The following THAP4 variants were observed in gnomAD, a reference collection of about 807,000 sequenced individuals.
THAP4 encodes peroxynitrite isomerase THAP4.
A neutral mutation model predicts 48.1 loss-of-function variants in THAP4; 18 were observed. That is an observed-to-expected ratio of 0.37 (90% CI 0.26 to 0.56). THAP4 has a LOEUF of 0.56. Among genes scored for constraint, THAP4 ranks in the 20% least tolerant of loss-of-function variants. The pLI is 0.78. For synonymous variants in THAP4, 345 were observed against 324.9 expected (o/e 1.06, Z -0.66); for missense variants, 656 against 774.9 (o/e 0.85, Z 1.82).
rs895003590 is a variant in THAP4 at position 241,610,583 on chromosome 2, C to A, written c.1241-4110G>T. Among the ~76,000 whole-genome samples, 1 of 152,186 alleles carries A rather than the reference C, an allele frequency of 6.6e-6. No individual in the cohort carries two copies. Among genetic ancestry groups the A allele is most frequent in the African/African-American group, 2.4e-5 (1 of 41,454 alleles). On this transcript the variant is annotated intron_variant, in intron 2 of 5. Coordinates refer to ENST00000407315, the MANE Select transcript of THAP4 (RefSeq NM_015963.6). This position sits in a 1 kb window ranked among gnomAD's most constrained non-coding sequence, Gnocchi z 4.2. Reference sequence around the variant, plus strand: ...CGCCCCTCGGCCCGGAGGCCCCGCCCTCCCCACTCCTGCTTCCCCAGCCAC... The same window carrying A: ...CGCCCCTCGGCCCGGAGGCCCCGCCATCCCCACTCCTGCTTCCCCAGCCAC...
chr2:241,623,228 T>C (rs1285968543), intron 2 of THAP4, among the ~76,000 whole-genome samples: 1 of 151,048 alleles, frequency 6.6e-6, no homozygotes, highest in Non-Finnish European at 1.5e-5. Flanking sequence ...ATAATAATAA[T>C]AATAAAAATA....
At position 241,616,370 on chromosome 2, in the gene THAP4, T is replaced by C. The variant is rs771532767; in HGVS notation, c.1241-9897A>G. Among the ~76,000 whole-genome samples the C allele has an allele frequency of 6.6e-6, 1 of 152,088 alleles. No individual in the cohort carries two copies. Among genetic ancestry groups the C allele is most frequent in the Non-Finnish European group, 1.5e-5 (1 of 68,016 alleles). On this transcript the variant is annotated intron_variant, in intron 2 of 5. Transcript: ENST00000407315. This position sits in a 1 kb window ranked among gnomAD's most constrained non-coding sequence, Gnocchi z 4.6. Reference sequence around the variant, plus strand: ...GCGCACGAGAGCTGAGGGCGAGCCCTGGCATCAGGACCAGAGAGGCCCACC... The same window carrying C: ...GCGCACGAGAGCTGAGGGCGAGCCCCGGCATCAGGACCAGAGAGGCCCACC...
chr2:241,598,735 C>G (rs76889690), intron 5 of THAP4, among the ~76,000 whole-genome samples: 1 of 152,010 alleles, frequency 6.6e-6, no homozygotes, highest in African/African-American at 2.4e-5. Context: ...CCACTCACCT[C>G]CTGCAGTGAG....
At chr2:241,636,869 C>A in intron 1 of THAP4, 72 bp downstream of exon 1, 1 of 929,596 alleles carries the variant, frequency 1.1e-6, no homozygotes, top group South Asian at 4.3e-5. Context: ...CGCGTTCGGG[C>A]CGGCCGCGGG....
rs1190862878 is a variant in THAP4 at position 241,634,098 on chromosome 2, A to G, written c.78-19T>C. 3 of 1,499,708 alleles carry G rather than the reference A, an allele frequency of 2.0e-6. No homozygotes were observed. In the African/African-American group the frequency reaches 4.2e-5, roughly 21 times the overall value. The allele number at this position is 1,499,708 out of a possible 1,614,324, so 92.9% of individuals were successfully genotyped here. ...GGGGAACCTACAGGACAAATGACAA[A>G]AAGTAATTAGAAATAATTAAATGTC... On this transcript the variant is annotated intron_variant, in intron 1 of 5. Coordinates refer to ENST00000407315, the MANE Select transcript of THAP4 (RefSeq NM_015963.6).
intron 2 of THAP4, among the ~76,000 whole-genome samples, chr2:241,609,558 G>A (rs1030562459): frequency 2.0e-5 from 3 of 152,152 alleles, no homozygotes; most frequent in South Asian, 2.1e-4. Flanking sequence ...ATGCCGAGAC[G>A]GGCAGATCAC....
chr2:241,600,741 A>AG (rs2067102360), intron 5 of THAP4, among the ~76,000 whole-genome samples: 1 of 151,504 alleles, frequency 6.6e-6, no homozygotes, highest in Non-Finnish European at 1.5e-5. Flanking sequence ...AAAAAAAAAA[A>AG]AAAGAAAGAA....
intron 5 of THAP4, among the ~76,000 whole-genome samples, chr2:241,589,941 T>TC (rs962955511): frequency 6.6e-6 from 1 of 152,076 alleles, no homozygotes; most frequent in African/African-American, 2.4e-5. Flanking sequence ...GTGCTGTGAC[T>TC]CCACTGATGA....
At chr2:241,636,854 C>G in intron 1 of THAP4, 87 bp downstream of exon 1, 1 of 789,840 alleles carries the variant, frequency 1.3e-6, no homozygotes, top group Non-Finnish European at 1.5e-6. Context: ...GGCGCCCCCG[C>G]CCCCCGCGTT....
intron 5 of THAP4, among the ~76,000 whole-genome samples, chr2:241,586,139 C>A (rs1338244058): frequency 6.6e-6 from 1 of 150,784 alleles, no homozygotes; most frequent in Non-Finnish European, 1.5e-5. Flanking sequence ...TGCCTGTAGT[C>A]CCAGCTACTC....
At chr2:241,607,326 G>C (rs1386395962) in intron 2 of THAP4, among the ~76,000 whole-genome samples, 1 of 152,028 alleles carries the variant, frequency 6.6e-6, no homozygotes, top group Non-Finnish European at 1.5e-5. Context: ...CTCCCGAGCG[G>C]CTTTTCAGGA....
intron 2 of THAP4, among the ~76,000 whole-genome samples, chr2:241,609,074 A>G (rs575271778): frequency 6.6e-6 from 1 of 152,298 alleles, no homozygotes; most frequent in Admixed American, 6.5e-5. Context: ...AGTGGGAGGG[A>G]CGAGGTCTCT....
At chr2:241,592,877 G>A (rs1352497240) in intron 5 of THAP4, among the ~76,000 whole-genome samples, 1 of 152,118 alleles carries the variant, frequency 6.6e-6, no homozygotes, top group African/African-American at 2.4e-5. Flanking sequence ...ACGTCTGTAC[G>A]GGGAAAAAGG....
chr2:241,608,977 G>T lies in THAP4; in HGVS notation c.1241-2504C>A, dbSNP rs142526333. ...TGGTCTTGCTGGAGAGGAACAGGAG[G>T]CCAGTGTGGCCAGGGGAAGGAGATC... is the stretch of plus-strand genomic sequence containing the variant. On this transcript the variant is annotated intron_variant, in intron 2 of 5. Transcript: ENST00000407315. Among the ~76,000 whole-genome samples, 10 of 152,360 alleles carry T rather than the reference G, an allele frequency of 6.6e-5. 1 individual carries two copies. The East Asian group carries it at 1.9e-3, about 29-fold the overall frequency.
rs1378313601 is a variant in THAP4 at position 241,601,782 on chromosome 2, G to A, written c.1614+114C>T. 24 of 1,542,022 alleles carry A rather than the reference G, an allele frequency of 1.6e-5. No homozygotes were observed. Among genetic ancestry groups the A allele is most frequent in the Non-Finnish European group, 2.1e-5 (24 of 1,138,370 alleles). ...GAAAAGAAGGAGACAGTGAAGACAG[G>A]CCTGTGAGACACAGTGGCAAGACAC... is the stretch of plus-strand genomic sequence containing the variant. On this transcript the variant is annotated intron_variant, in intron 5 of 5. Coordinates refer to ENST00000407315, the MANE Select transcript of THAP4 (RefSeq NM_015963.6). This position sits in a 1 kb window ranked among gnomAD's most constrained non-coding sequence, Gnocchi z 4.0.
intron 5 of THAP4, among the ~76,000 whole-genome samples, chr2:241,585,650 G>A (rs1159319831): frequency 1.3e-5 from 2 of 152,076 alleles, no homozygotes; most frequent in South Asian, 2.1e-4. Context: ...TCAAGGGGTG[G>A]AGGCTGAGAG....
chr2:241,629,645 T>C (rs1213047448), intron 2 of THAP4, among the ~76,000 whole-genome samples: 1 of 151,730 alleles, frequency 6.6e-6, no homozygotes, highest in Non-Finnish European at 1.5e-5. Flanking sequence ...GAGTTAAAAA[T>C]ATAACTATAA....
At chr2:241,618,167 G>GCATA (rs1382880656) in intron 2 of THAP4, among the ~76,000 whole-genome samples, 20 of 152,198 alleles carry the variant, frequency 1.3e-4, no homozygotes, top group Admixed American at 9.8e-4. Flanking sequence ...CACTGACAAG[G>GCATA]CATACCAGCA....
At chr2:241,626,690 A>G (rs752692810) in intron 2 of THAP4, among the ~76,000 whole-genome samples, 1 of 151,928 alleles carries the variant, frequency 6.6e-6, no homozygotes, top group Non-Finnish European at 1.5e-5. Context: ...CAGCCTCCTG[A>G]GAAGCTGGGA....
Sources: allele counts gnomAD v4.1 joint callset (sites outside exome capture counted in the v4.1 genomes callset), GRCh38; gene constraint gnomAD v4.1.1; non-coding constraint Gnocchi (gnomAD v3.1); transcripts MANE v1.5; gene names NCBI Gene and HGNC (gene_info 2026-07-23, HGNC 2026-07-21).